SEC23B: variants seen among roughly 807,000 people sequenced by gnomAD.
SEC23B encodes the protein protein transport protein Sec23B.
A neutral mutation model predicts 104.3 loss-of-function variants in SEC23B; 77 were observed. The ratio of observed to expected loss-of-function variants is 0.74; its 90% CI spans 0.61 to 0.89. The LOEUF (loss-of-function observed/expected upper bound fraction) is 0.89, where lower values mean the gene tolerates loss of function less well. Ranked by LOEUF, SEC23B falls within the 40% of genes least tolerant of loss-of-function variation. The probability of loss-of-function intolerance (pLI) is 0.00; values close to 1 mark genes in which losing one functional copy is unlikely to be tolerated. For synonymous variants in SEC23B, 338 were observed against 332.5 expected (o/e 1.02, Z -0.18); for missense variants, 885 against 949.4 (o/e 0.93, Z 0.89).
intron 2 of SEC23B, 102 bp from the exon 3 acceptor site, chr20:18,512,123 C>T (rs1307151668): frequency 2.7e-6 from 2 of 734,126 alleles, no homozygotes; most frequent in Non-Finnish European, 4.6e-6. Context: ...GTGTGATTTA[C>T]TGAACTTGAA....
intron 4 of SEC23B, among the ~76,000 whole-genome samples, chr20:18,520,814 C>T (rs1350018291): frequency 6.6e-6 from 1 of 151,926 alleles, no homozygotes; most frequent in Non-Finnish European, 1.5e-5. Context: ...AGCTCGGCGT[C>T]CGTGATGGTC....
In SEC23B at chr20:18,508,983, A is replaced by C. The variant is rs1242178763; in HGVS notation, c.-15+1011A>C. On this transcript the variant is annotated intron_variant, in intron 1 of 19. Coordinates refer to ENST00000650089, the MANE Select transcript of SEC23B (RefSeq NM_006363.6). The stretch of plus-strand genomic sequence containing the variant: ...TCATCCACCGGCCTCGGTCGCCCAA[A>C]GTGCTGGGATTACAGGCGTGAGCCA... Among the ~76,000 whole-genome samples, 5 of 152,124 alleles carry C rather than the reference A, an allele frequency of 3.3e-5. No homozygotes were observed. The East Asian group carries it at 9.6e-4, about 29-fold the overall frequency.
At chr20:18,532,623 G>T in intron 10 of SEC23B, 41 bp from the exon 11 acceptor site, 1 of 1,382,814 alleles carries the variant, frequency 7.2e-7, no homozygotes, top group South Asian at 1.2e-5. Context: ...AGGGTGGATT[G>T]AAGTGATCTT....
chr20:18,553,810 T>C (rs1317190976), intron 17 of SEC23B, among the ~76,000 whole-genome samples: 1 of 152,052 alleles, frequency 6.6e-6, no homozygotes, highest in South Asian at 2.1e-4. Context: ...AGGAGTGTAA[T>C]ATGTGTGCCG....
chr20:18,513,558 A>T (rs986819081), intron 3 of SEC23B, among the ~76,000 whole-genome samples: 1 of 152,224 alleles, frequency 6.6e-6, no homozygotes, highest in Non-Finnish European at 1.5e-5. Context: ...AGCTCTTCAC[A>T]TGCATTCGTT....
intron 9 of SEC23B, among the ~76,000 whole-genome samples, chr20:18,528,575 A>T (rs188628858): frequency 1.3e-5 from 2 of 152,188 alleles, no homozygotes; most frequent in Admixed American, 6.5e-5. Flanking sequence ...ACAACCCCAC[A>T]GGTGATGCTG....
intron 11 of SEC23B, among the ~76,000 whole-genome samples, chr20:18,534,010 T>C (rs769494728): frequency 3.3e-5 from 5 of 152,196 alleles, no homozygotes; most frequent in Admixed American, 6.5e-5. Context: ...AATAGGAAAA[T>C]ACAATTTTCA....
chr20:18,554,409 A>T lies in SEC23B; in HGVS notation c.2148+19A>T. On this transcript the variant is annotated intron_variant, in intron 18 of 19. Transcript: ENST00000650089. ...CAGTCAGGTGAGTGAGCTGAGTTCT[A>T]ACTCCAGTGGTTTGTTCGTTTTATG... 1 of 1,613,958 alleles carries T rather than the reference A, an allele frequency of 6.2e-7. No individual in the cohort carries two copies.
chr20:18,550,589 CA>C, intron 16 of SEC23B, among the ~76,000 whole-genome samples: 1 of 152,252 alleles, frequency 6.6e-6, no homozygotes, highest in African/African-American at 2.4e-5. Flanking sequence ...TGAGAATATT[CA>C]GAATTATTTT....
chr20:18,515,956 C>A, intron 4 of SEC23B: 1 of 532,780 alleles, frequency 1.9e-6, no homozygotes. Context: ...AATTCCAAAC[C>A]TGTTCTCTGT....
chr20:18,549,634 TAAAG>T (rs1286370872), intron 16 of SEC23B, among the ~76,000 whole-genome samples: 1 of 152,018 alleles, frequency 6.6e-6, no homozygotes, highest in Non-Finnish European at 1.5e-5. Flanking sequence ...CCTGCAAAAA[TAAAG>T]AACTATATGG....
chr20:18,555,915 C>CA (rs1365272847), intron 19 of SEC23B, among the ~76,000 whole-genome samples: 1 of 151,716 alleles, frequency 6.6e-6, no homozygotes, highest in African/African-American at 2.4e-5. Flanking sequence ...TTGTACAACT[C>CA]ACCATAATGT....
At chr20:18,547,257 G>GC (rs2060341045) in intron 15 of SEC23B, among the ~76,000 whole-genome samples, 1 of 152,134 alleles carries the variant, frequency 6.6e-6, no homozygotes, top group Non-Finnish European at 1.5e-5. Flanking sequence ...GCCCCTCTGT[G>GC]CCTCAGTTTC....
At chr20:18,557,701 CT>C (rs1568627486) in intron 19 of SEC23B, among the ~76,000 whole-genome samples, 1 of 147,824 alleles carries the variant, frequency 6.8e-6, no homozygotes, top group Admixed American at 6.7e-5. Flanking sequence ...TGTTTTCTTT[CT>C]TTTTAGAGAT....
chr20:18,536,263 G>A (rs1272132401), intron 12 of SEC23B, among the ~76,000 whole-genome samples: 1 of 152,140 alleles, frequency 6.6e-6, no homozygotes, highest in African/African-American at 2.4e-5. Flanking sequence ...GCATATAAAA[G>A]TTATGTTTGC....
At chr20:18,534,242 A>G (rs1442998214) in intron 11 of SEC23B, among the ~76,000 whole-genome samples, 3 of 152,168 alleles carry the variant, frequency 2.0e-5, no homozygotes, top group Non-Finnish European at 4.4e-5. Flanking sequence ...AAAAATAACG[A>G]TGTTCTCCTA....
rs768608178 is a variant in SEC23B, at chr20:18,510,806, A to T, written c.-14-16A>T. Reference sequence around the variant, plus strand: ...AATTTCACATACCATTAAGGTAATTAAAGTTTTATCTTCAGTTCCCTTTTA... The same window carrying T: ...AATTTCACATACCATTAAGGTAATTTAAGTTTTATCTTCAGTTCCCTTTTA... On this transcript the variant is annotated splice_polypyrimidine_tract_variant and intron_variant, in intron 1 of 19. Transcript: ENST00000650089. 1.3e-6 allele frequency: 2 copies of T among 1,568,664 alleles called. No individual in the cohort carries two copies. The highest frequency in any genetic ancestry group is 2.2e-5 in the East Asian group (1 of 44,654).
intron 4 of SEC23B, among the ~76,000 whole-genome samples, chr20:18,516,911 C>G (rs1040296144): frequency 2.0e-5 from 3 of 151,318 alleles, no homozygotes; most frequent in Non-Finnish European, 4.4e-5. Context: ...GTTACTTTTT[C>G]TATTTCTAAA....
chr20:18,535,831 C>G, intron 12 of SEC23B, 89 bp downstream of exon 12: 1 of 984,042 alleles, frequency 1.0e-6, no homozygotes, highest in Non-Finnish European at 1.6e-6. Flanking sequence ...ACTTTCTTCA[C>G]AAACCAATAT....
Sources: allele counts gnomAD v4.1 joint callset (sites outside exome capture counted in the v4.1 genomes callset), GRCh38; gene constraint gnomAD v4.1.1; transcripts MANE v1.5; gene names NCBI Gene and HGNC (gene_info 2026-07-23, HGNC 2026-07-21).